The following NR2C1 variants were observed in gnomAD, a reference collection of about 807,000 sequenced individuals.
NR2C1 encodes TR2 nuclear hormone receptor.
In NR2C1, 33 loss-of-function variants were observed where a neutral mutation model predicts 74.8. The observed-to-expected ratio is 0.44, with a 90% CI of 0.33 to 0.59. The LOEUF (loss-of-function observed/expected upper bound fraction) is 0.59. Among genes scored for constraint, NR2C1 ranks in the 20% least tolerant of loss-of-function variants. NR2C1 has a pLI of 0.02. For missense variants in NR2C1, 568 were observed against 715.6 expected (o/e 0.79, Z 2.35); for synonymous variants, 225 against 240.6 (o/e 0.94, Z 0.60).
At chr12:95,042,414 CGTT>C (rs991416042) in intron 9 of NR2C1, among the ~76,000 whole-genome samples, 3 of 151,676 alleles carry the variant, frequency 2.0e-5, no homozygotes, top group Non-Finnish European at 4.4e-5. Flanking sequence ...GGTTGTACCA[CGTT>C]GGCCAGGCTC....
At chr12:95,071,453 T>C (rs1876602108) in intron 1 of NR2C1, among the ~76,000 whole-genome samples, 1 of 152,314 alleles carries the variant, frequency 6.6e-6, no homozygotes, top group Admixed American at 6.5e-5. Context: ...TATTATTTAT[T>C]GTATGCTGTT....
At chr12:95,030,520 A>T in intron 11 of NR2C1, 1 of 1,600,004 alleles carries the variant, frequency 6.2e-7, no homozygotes, top group Non-Finnish European at 8.5e-7. Context: ...TAACCATTAC[A>T]GGCATATAAG....
intron 5 of NR2C1, 149 bp downstream of exon 5, chr12:95,058,161 G>T: frequency 1.5e-6 from 1 of 684,566 alleles, no homozygotes; most frequent in Non-Finnish European, 2.3e-6. Flanking sequence ...AAATAAAAAA[G>T]TACATACGTA....
At chr12:95,029,137 C>T (rs894412095) in intron 11 of NR2C1, among the ~76,000 whole-genome samples, 1 of 152,090 alleles carries the variant, frequency 6.6e-6, no homozygotes, top group African/African-American at 2.4e-5. Flanking sequence ...GGCTGGAGTG[C>T]AGTGGTGCGA....
chr12:95,063,688 A>T (rs184447533), intron 2 of NR2C1, among the ~76,000 whole-genome samples: 58 of 149,190 alleles, frequency 3.9e-4, no homozygotes, highest in African/African-American at 1.4e-3. Context: ...AAAAAAAAAG[A>T]AGTATAAAAA....
intron 1 of NR2C1, 105 bp from the exon 2 acceptor site, chr12:95,067,496 CTAGT>C (rs1194775190): frequency 2.1e-6 from 2 of 945,196 alleles, no homozygotes; most frequent in South Asian, 1.6e-5. Flanking sequence ...TCAAAATAAT[CTAGT>C]TAAGGTGGGA....
rs1027664759 is a variant in NR2C1 at position 95,057,854 on chromosome 12, A to G, written c.569T>C (p.Ile190Thr). 4.3e-6 allele frequency: 7 copies of G among 1,613,948 alleles called. No homozygotes were observed. Among genetic ancestry groups the G allele is most frequent in the Middle Eastern group, 1.7e-4 (1 of 6,060 alleles). Residue 190 changes from isoleucine (I) to threonine (T), a missense_variant, in exon 6 of 14, where the codon ATT becomes ACT. This residue lies in a region of NR2C1 where 239 missense variants were observed against 232.3 expected (regional missense o/e 1.03). Transcript: ENST00000333003. ...QDSVQCERKPIEVSREKSSNC... is the reference protein window; with the variant it reads ...QDSVQCERKPTEVSREKSSNC... Reference sequence around the variant, plus strand: ...GGAAGATTTTTCTCGTGATACTTCAATGGGTTTTCTTTCACATTGGACAGC... The same window carrying G: ...GGAAGATTTTTCTCGTGATACTTCAGTGGGTTTTCTTTCACATTGGACAGC...
intron 10 of NR2C1, among the ~76,000 whole-genome samples, chr12:95,034,562 C>A (rs942703076): frequency 6.6e-6 from 1 of 152,124 alleles, no homozygotes; most frequent in Non-Finnish European, 1.5e-5. Flanking sequence ...CTTTCTTAGA[C>A]CCAGCAATTT....
chr12:95,037,894 CAAAAAAAAAAAA>C (rs988473049), intron 10 of NR2C1, among the ~76,000 whole-genome samples: 1 of 67,074 alleles, frequency 1.5e-5, no homozygotes, highest in Non-Finnish European at 2.9e-5. Context: ...GCCTCCATCT[CAAAAAAAAAAAA>C]AAAAAAAAAG....
intron 7 of NR2C1, among the ~76,000 whole-genome samples, chr12:95,052,204 G>A (rs1873115890): frequency 6.7e-6 from 1 of 149,892 alleles, no homozygotes; most frequent in Non-Finnish European, 1.5e-5. Context: ...TCACTAGGCT[G>A]GAGTGCCGTG....
intron 11 of NR2C1, chr12:95,030,490 T>C: frequency 6.5e-7 from 1 of 1,547,820 alleles, no homozygotes; most frequent in South Asian, 1.3e-5. Flanking sequence ...CAACCATAGC[T>C]TTCCTGAAGG....
chr12:95,024,361 T>A (rs61935755), intron 13 of NR2C1, among the ~76,000 whole-genome samples: 17,741 of 152,146 alleles, frequency 0.12, 1,625 homozygotes, highest in African/African-American at 0.25. Flanking sequence ...CATTTATAGG[T>A]GAGGAAACAT....
rs1320476901 is a variant in NR2C1, at chr12:95,067,330, C to T, written c.54+1G>A. 2 of 1,613,096 alleles carry T rather than the reference C, an allele frequency of 1.2e-6. No homozygotes were observed. Among genetic ancestry groups the T allele is most frequent in the African/African-American group, 2.7e-5 (2 of 74,904 alleles). Reference sequence around the variant, plus strand: ...GTGCATCAACCGTAAACTAGACATACCTCTCCCATCTGTTGTTCAATAATT... The same window carrying T: ...GTGCATCAACCGTAAACTAGACATATCTCTCCCATCTGTTGTTCAATAATT... On this transcript the variant is annotated splice_donor_variant, in intron 2 of 13. Coordinates refer to ENST00000333003, the MANE Select transcript of NR2C1 (RefSeq NM_003297.4). LOFTEE classifies it high-confidence loss of function.
chr12:95,039,737 T>C (rs896476953), intron 10 of NR2C1, among the ~76,000 whole-genome samples: 2 of 152,226 alleles, frequency 1.3e-5, no homozygotes, highest in African/African-American at 4.8e-5. Context: ...GCTAAAGTGA[T>C]TGGCCCCCCT....
intron 9 of NR2C1, among the ~76,000 whole-genome samples, chr12:95,046,529 A>C (rs1872340680): frequency 6.6e-6 from 1 of 152,198 alleles, no homozygotes; most frequent in Non-Finnish European, 1.5e-5. Context: ...TCGAGGCTGC[A>C]GTGAGCTGTG....
chr12:95,042,150 G>T (rs1871621865), intron 9 of NR2C1, among the ~76,000 whole-genome samples: 1 of 151,892 alleles, frequency 6.6e-6, no homozygotes, highest in Non-Finnish European at 1.5e-5. Flanking sequence ...GGGTGGGGTA[G>T]GTAGATGTGT....
At chr12:95,067,878 C>CA (rs1555213213) in intron 1 of NR2C1, among the ~76,000 whole-genome samples, 1 of 110,026 alleles carries the variant, frequency 9.1e-6, no homozygotes, top group Non-Finnish European at 1.8e-5. Context: ...CTCCATGTAT[C>CA]TTTTTTTTTT....
At chr12:95,064,682 A>G (rs1592792176) in intron 2 of NR2C1, among the ~76,000 whole-genome samples, 2 of 152,174 alleles carry the variant, frequency 1.3e-5, no homozygotes, top group South Asian at 4.1e-4. Flanking sequence ...ACACAGAACT[A>G]TTTCAGCATT....
chr12:95,054,650 A>G lies in NR2C1; in HGVS notation c.784-2707T>C, dbSNP rs374613370. On this transcript the variant is annotated intron_variant, in intron 7 of 13. Coordinates refer to ENST00000333003, the MANE Select transcript of NR2C1 (RefSeq NM_003297.4). ...CCCCAAGAAATTTTCTTATATTTGA[A>G]TAAAAAGTACATTAGTTACAATTTT... Among the ~76,000 whole-genome samples, 432 of 152,350 alleles carry G rather than the reference A, an allele frequency of 2.8e-3. 4 individuals are homozygous for G. In the South Asian group the frequency reaches 0.034, roughly 12 times the overall value.
Sources: allele counts gnomAD v4.1 joint callset (sites outside exome capture counted in the v4.1 genomes callset), GRCh38; gene constraint gnomAD v4.1.1; regional missense constraint gnomAD v4.1.1; transcripts MANE v1.5; gene names NCBI Gene and HGNC (gene_info 2026-07-23, HGNC 2026-07-21).